The following G6PC2 variants were observed in gnomAD, a reference collection of about 807,000 sequenced individuals.
G6PC2 encodes glucose-6-phosphatase catalytic subunit 2.
Under a neutral mutation model 35.4 loss-of-function variants are expected in G6PC2, and 41 were observed. The observed-to-expected ratio is 1.16, with a 90% CI of 0.90 to 1.50. The LOEUF is 1.50. Ranked by LOEUF, G6PC2 falls within the 40% of genes most tolerant of loss-of-function variation. The pLI, the probability that G6PC2 is intolerant of heterozygous loss-of-function variation, is 0.00. For synonymous variants in G6PC2, 165 were observed against 153.2 expected, an observed-to-expected ratio of 1.08 and a Z score of -0.57; for missense variants, 441 against 426.5, an observed-to-expected ratio of 1.03 and a Z score of -0.30.
rs1690812817 is a variant in G6PC2, at chr2:168,909,836, A to T, written c.*1757A>T. 6.6e-6 allele frequency: 1 copy of T among 152,214 alleles called. No homozygotes were observed. Among genetic ancestry groups the T allele is most frequent in the African/African-American group, 2.4e-5 (1 of 41,454 alleles). The allele number at this position is 152,214 out of a possible 1,614,324, so 9.4% of individuals were successfully genotyped here. On this transcript the variant is annotated 3_prime_UTR_variant, in exon 5 of 5. Coordinates refer to ENST00000375363, the MANE Select transcript of G6PC2 (RefSeq NM_021176.3). ...GTTGAAGTGAGTGTTGTTTAACATG[A>T]TAGTAGCTGAGGATAACAAACCTCA... is the stretch of plus-strand genomic sequence containing the variant.
chr2:168,902,900 G>A (rs1157335824), intron 2 of G6PC2: 1 of 323,352 alleles, frequency 3.1e-6, no homozygotes. Context: ...AGAAATGTTG[G>A]TTAATCTGCT....
At chr2:168,901,862 G>C (rs1047325248) in intron 1 of G6PC2, among the ~76,000 whole-genome samples, 1 of 151,222 alleles carries the variant, frequency 6.6e-6, no homozygotes, top group East Asian at 2.0e-4. Flanking sequence ...TCAGCCTCCC[G>C]AGTAGCTGGG....
chr2:168,904,103 G>A (rs1238849219), intron 2 of G6PC2, among the ~76,000 whole-genome samples: 1 of 151,540 alleles, frequency 6.6e-6, no homozygotes, highest in Non-Finnish European at 1.5e-5. Context: ...AAGTAATTGC[G>A]GTTTTTGCCA....
chr2:168,903,393 G>A (rs16856159), intron 2 of G6PC2, among the ~76,000 whole-genome samples: 19,824 of 151,936 alleles, frequency 0.13, 1,677 homozygotes, highest in African/African-American at 0.23. Context: ...CTGTTATATC[G>A]CTTATTACAC....
chr2:168,908,301 C>T lies in G6PC2; in HGVS notation c.*222C>T, dbSNP rs1253979911. On this transcript the variant is annotated 3_prime_UTR_variant, in exon 5 of 5. Coordinates refer to ENST00000375363, the MANE Select transcript of G6PC2 (RefSeq NM_021176.3). Reference sequence around the variant, plus strand: ...ATACAAGAATATTTGACATAAAAATCGGAAGTTCTGTATTTCTTGAAAAAT... The same window carrying T: ...ATACAAGAATATTTGACATAAAAATTGGAAGTTCTGTATTTCTTGAAAAAT... 4.9e-5 allele frequency: 29 copies of T among 596,054 alleles called. No homozygotes were observed. Among genetic ancestry groups the T allele is most frequent in the Middle Eastern group, 4.4e-4 (1 of 2,280 alleles). The allele number at this position is 596,054 out of a possible 1,614,324, so 36.9% of individuals were successfully genotyped here.
rs1349005668 is a variant in G6PC2 at position 168,901,510 on chromosome 2, T to C, written c.179T>C (p.Val60Ala). ...NQTVGTKMIW[V>A]AVIGDWLNLI... is the part of the protein sequence containing the mutation. Reference sequence around the variant, plus strand: ...ACAGTTGGAACCAAGATGATATGGGTAGCAGTCATTGGGGATTGGTTAAAT... The same window carrying C: ...ACAGTTGGAACCAAGATGATATGGGCAGCAGTCATTGGGGATTGGTTAAAT... The change falls in exon 1 of 5, where the codon GTA (valine) becomes GCA (alanine). Residue 60 changes from valine (V) to alanine (A), a missense_variant. Transcript: ENST00000375363. The C allele has an allele frequency of 1.9e-6, 3 of 1,580,480 alleles. No homozygotes were observed. The highest frequency in any genetic ancestry group is 2.6e-6 in the Non-Finnish European group (3 of 1,149,568).
chr2:168,902,611 A>G (rs1574374156), intron 2 of G6PC2, 57 bp downstream of exon 2: 1 of 806,120 alleles, frequency 1.2e-6, no homozygotes, highest in East Asian at 2.4e-5. Flanking sequence ...GAATCATTAC[A>G]CAGGGTTATC....
chr2:168,908,782 T>G lies in G6PC2; in HGVS notation c.*703T>G, dbSNP rs1192483003. ...ATAGCGGCTCACTGCAGCCTCAAAC[T>G]CCTGGCTCAAATGATCCTCCCTCCT... On this transcript the variant is annotated 3_prime_UTR_variant, in exon 5 of 5. Transcript: ENST00000375363. 6.5e-6 allele frequency: 1 copy of G among 153,024 alleles called. No individual in the cohort carries two copies. The highest frequency in any genetic ancestry group is 1.5e-5 in the Non-Finnish European group (1 of 68,726). 9.5% of individuals were successfully genotyped at this position (153,024 alleles called of 1,614,324 possible). A position where few individuals can be genotyped will look rare whatever the true frequency, so the allele number is the denominator to read the frequency against.
chr2:168,902,533 A>G lies in G6PC2; in HGVS notation c.307A>G (p.Thr103Ala), dbSNP rs774977034. Residue 103 changes from threonine (T) to alanine (A), a missense_variant, in exon 2 of 5, where the codon ACT (threonine) becomes GCT (alanine). Transcript: ENST00000375363. ...HSSPCLEQFPTTCETGPGSPS... is the reference protein window; with the variant it reads ...HSSPCLEQFPATCETGPGSPS... ...AAGTCCATGCCTTGAACAGTTCCCT[A>G]CTACATGTGAAACAGGTCCAGGTAA... 6.6e-7 allele frequency: 1 copy of G among 1,522,022 alleles called. No individual in the cohort carries two copies. The highest frequency in any genetic ancestry group is 2.3e-5 in the East Asian group (1 of 44,436). The allele number at this position is 1,522,022 out of a possible 1,614,324, so 94.3% of individuals were successfully genotyped here. A position where few individuals can be genotyped will look rare whatever the true frequency, so the allele number is the denominator to read the frequency against.
Position 168,908,187 on chromosome 2 carries a change from T to TA in G6PC2, c.*109dup. On this transcript the variant is annotated 3_prime_UTR_variant, in exon 5 of 5. Coordinates refer to ENST00000375363, the MANE Select transcript of G6PC2 (RefSeq NM_021176.3). ...AGGCTTCTAATCCGACTTCACAGAA[T>TA]AGCGGCACAGGCCCCATTCCCCATA... The TA allele has an allele frequency of 1.1e-6, 1 of 929,740 alleles. No homozygotes were observed. The highest frequency in any genetic ancestry group is 1.8e-6 in the Non-Finnish European group (1 of 568,828). 57.6% of individuals were successfully genotyped at this position (929,740 alleles called of 1,614,324 possible).
Position 168,908,183 on chromosome 2 carries a change from A to T in G6PC2, c.*104A>T. ...CCAGAGGCTTCTAATCCGACTTCAC[A>T]GAATAGCGGCACAGGCCCCATTCCC... is the stretch of plus-strand genomic sequence containing the variant. On this transcript the variant is annotated 3_prime_UTR_variant, in exon 5 of 5. Transcript: ENST00000375363. 1 of 960,430 alleles carries T rather than the reference A, an allele frequency of 1.0e-6. No individual in the cohort carries two copies. The allele number at this position is 960,430 out of a possible 1,614,324, so 59.5% of individuals were successfully genotyped here. A position where few individuals can be genotyped will look rare whatever the true frequency, so the allele number is the denominator to read the frequency against.
Position 168,907,911 on chromosome 2 carries a change from A to G in G6PC2, c.900A>G (p.Ser300=). ...LSFRLLCALT[S]LTILQLYHFL... is the part of the protein sequence containing the mutation. Reference sequence around the variant, plus strand: ...TCCGGTTGCTCTGTGCCTTGACCTCATTGACAATACTGCAGCTCTACCATT... The same window carrying G: ...TCCGGTTGCTCTGTGCCTTGACCTCGTTGACAATACTGCAGCTCTACCATT... Residue 300 remains serine, a synonymous_variant, in exon 5 of 5, where the codon TCA becomes TCG. Coordinates refer to ENST00000375363, the MANE Select transcript of G6PC2 (RefSeq NM_021176.3). The G allele has an allele frequency of 6.2e-7, 1 of 1,614,090 alleles. No homozygotes were observed. The highest frequency in any genetic ancestry group is 8.5e-7 in the Non-Finnish European group (1 of 1,179,928).
At chr2:168,906,524 GA>G (rs1318778369) in intron 3 of G6PC2, 139 bp from the exon 4 acceptor site, 13 of 673,882 alleles carry the variant, frequency 1.9e-5, no homozygotes, top group South Asian at 8.3e-5. Flanking sequence ...ACAACATTTT[GA>G]AAAAAAAGAT....
chr2:168,903,010 T>C (rs114052987), intron 2 of G6PC2: 124 of 209,146 alleles, frequency 5.9e-4, no homozygotes, highest in Non-Finnish European at 9.5e-4. Flanking sequence ...CTTCTCAATG[T>C]TACTATAGCC....
Position 168,904,545 on chromosome 2 carries a change from G to T in G6PC2, c.369G>T (p.Trp123Cys), listed in dbSNP as rs757449691. The part of the protein sequence containing the change: ...SGHAMGASCV[W>C]YVMVTAALSH... ...ATGCAATGGGCGCATCCTGTGTCTGGTATGTCATGGTAACCGCTGCCCTGA... is the reference window on the plus strand; with the variant it reads ...ATGCAATGGGCGCATCCTGTGTCTGTTATGTCATGGTAACCGCTGCCCTGA... Residue 123 changes from tryptophan (W) to cysteine (C), a missense_variant, in exon 3 of 5, where the codon TGG becomes TGT. By Grantham distance (215) the Trp-to-Cys change is radical (BLOSUM62 -2). Transcript: ENST00000375363. 3.1e-6 allele frequency: 5 copies of T among 1,612,604 alleles called. No homozygotes were observed. The highest frequency in any genetic ancestry group is 1.7e-4 in the Middle Eastern group (1 of 6,060).
chr2:168,904,359 C>G, intron 2 of G6PC2, 146 bp from the exon 3 acceptor site: 1 of 717,730 alleles, frequency 1.4e-6, no homozygotes, highest in Non-Finnish European at 2.6e-6. Context: ...TTATTTCTAC[C>G]CACTTCTAAA....
In G6PC2 at chr2:168,907,752, C is replaced by A. The variant is rs2105857301; in HGVS notation, c.741C>A (p.Asp247Glu). 1.9e-6 allele frequency: 3 copies of A among 1,614,082 alleles called. No homozygotes were observed. The highest frequency in any genetic ancestry group is 2.5e-6 in the Non-Finnish European group (3 of 1,179,956). The change falls in exon 5 of 5, where the codon GAC becomes GAA. Residue 247 changes from aspartate to glutamate, a missense_variant. Coordinates refer to ENST00000375363, the MANE Select transcript of G6PC2 (RefSeq NM_021176.3). Reference protein sequence around the residue: ...PIAKKWCANPDWIHIDTTPFA... With the variant: ...PIAKKWCANPEWIHIDTTPFA... ...CCAAAAAGTGGTGTGCTAACCCCGA[C>A]TGGATCCACATTGACACCACGCCTT...
In G6PC2 at chr2:168,908,331, T is replaced by C. The variant is rs779799830; in HGVS notation, c.*252T>C. ...GTTCTGTATTTCTTGAAAAATCTGA[T>C]AGTATGACAACACAGAGCCTGCATC... is the stretch of plus-strand genomic sequence containing the variant. On this transcript the variant is annotated 3_prime_UTR_variant, in exon 5 of 5. Coordinates refer to ENST00000375363, the MANE Select transcript of G6PC2 (RefSeq NM_021176.3). 3 of 559,606 alleles carry C rather than the reference T, an allele frequency of 5.4e-6. No homozygotes were observed. The highest frequency in any genetic ancestry group is 6.4e-6 in the Non-Finnish European group (2 of 314,208). 34.7% of individuals were successfully genotyped at this position (559,606 alleles called of 1,614,324 possible).
In G6PC2 at chr2:168,902,333, A is replaced by G. The variant is rs186427917; in HGVS notation, c.219-112A>G. 3.9e-3 allele frequency: 2,623 copies of G among 676,486 alleles called. 28 individuals carry two copies. Among genetic ancestry groups the G allele is most frequent in the Non-Finnish European group, 3.2e-3 (1,214 of 374,326 alleles). The allele number at this position is 676,486 out of a possible 1,614,324, so 41.9% of individuals were successfully genotyped here. On this transcript the variant is annotated intron_variant, in intron 1 of 4. Coordinates refer to ENST00000375363, the MANE Select transcript of G6PC2 (RefSeq NM_021176.3). Reference sequence around the variant, plus strand: ...CAAAGTCTCTTAATCATGAACTTTCACAATTAACCCTGCGCTTGAGTCATT... The same window carrying G: ...CAAAGTCTCTTAATCATGAACTTTCGCAATTAACCCTGCGCTTGAGTCATT...
Sources: allele counts gnomAD v4.1 joint callset (sites outside exome capture counted in the v4.1 genomes callset), GRCh38; gene constraint gnomAD v4.1.1; transcripts MANE v1.5; gene names NCBI Gene and HGNC (gene_info 2026-07-23, HGNC 2026-07-21).